RASAL2: variants seen among roughly 807,000 people sequenced by gnomAD.
The protein encoded by RASAL2 is ras GTPase-activating protein nGAP.
Under a neutral mutation model 128.9 loss-of-function variants are expected in RASAL2, and 58 were observed. The observed-to-expected ratio is 0.45, with a 90% CI of 0.36 to 0.56. RASAL2 has a LOEUF of 0.56. Ranked by LOEUF, RASAL2 falls within the 20% of genes least tolerant of loss-of-function variation. RASAL2 has a pLI of 0.00. For synonymous variants in RASAL2, 561 were observed against 580.8 expected (o/e 0.97, Z 0.49); for missense variants, 1,360 against 1,601.6 (o/e 0.85, Z 2.57).
At chr1:178,181,484 A>T (rs995035055) in intron 1 of RASAL2, among the ~76,000 whole-genome samples, 1 of 152,050 alleles carries the variant, frequency 6.6e-6, no homozygotes, top group African/African-American at 2.4e-5. Context: ...CAGCCTGCCG[A>T]GTAGCTGGGA....
chr1:178,166,782 A>C (rs1048548635), intron 1 of RASAL2, among the ~76,000 whole-genome samples: 8 of 152,160 alleles, frequency 5.3e-5, no homozygotes, highest in African/African-American at 1.9e-4. Context: ...TAGTCATAAA[A>C]ATGTCAGAAA....
chr1:178,269,008 A>G (rs986313759), intron 1 of RASAL2, among the ~76,000 whole-genome samples: 1 of 152,130 alleles, frequency 6.6e-6, no homozygotes, highest in African/African-American at 2.4e-5. Flanking sequence ...GTGTCTCCCC[A>G]AAGTTATTTT....
chr1:178,456,283 A>G (rs920346570), intron 12 of RASAL2, among the ~76,000 whole-genome samples: 1 of 152,114 alleles, frequency 6.6e-6, no homozygotes, highest in Non-Finnish European at 1.5e-5. Flanking sequence ...TTTCTTTGAA[A>G]GTTTATCATA....
At chr1:178,454,327 A>G (rs1035911960) in intron 11 of RASAL2, 120 bp from the exon 12 acceptor site, 6 of 724,666 alleles carry the variant, frequency 8.3e-6, no homozygotes, top group Non-Finnish European at 1.4e-5. Flanking sequence ...TAGATAATAA[A>G]CAAAATTAGT....
intron 1 of RASAL2, among the ~76,000 whole-genome samples, chr1:178,153,858 G>A (rs1415868831): frequency 6.6e-6 from 1 of 151,782 alleles, no homozygotes; most frequent in Non-Finnish European, 1.5e-5. Flanking sequence ...TTTTTGAGAT[G>A]CAGTTTCGTT....
intron 1 of RASAL2, among the ~76,000 whole-genome samples, chr1:178,238,876 C>G (rs992802495): frequency 1.8e-4 from 27 of 152,008 alleles, no homozygotes; most frequent in African/African-American, 5.8e-4. Flanking sequence ...TTTGGTTTCT[C>G]ACACTCAAGG....
rs555787997 is a variant in RASAL2 at position 178,255,656 on chromosome 1, A to G, written c.203-27908A>G. Among the ~76,000 whole-genome samples, 97 of 152,260 alleles carry G rather than the reference A, an allele frequency of 6.4e-4. No individual in the cohort carries two copies. The South Asian group carries it at 0.02, about 32-fold the overall frequency. The stretch of plus-strand genomic sequence containing the variant: ...TGAAGATGATTCTAGTGAGATATGT[A>G]TGGTAAGCCATAGAGAAACGAGGAA... On this transcript the variant is annotated intron_variant, in intron 1 of 17. Coordinates refer to ENST00000367649, the MANE Select transcript of RASAL2 (RefSeq NM_170692.4).
intron 1 of RASAL2, among the ~76,000 whole-genome samples, chr1:178,203,842 C>T (rs544638648): frequency 6.6e-6 from 1 of 152,302 alleles, no homozygotes; most frequent in East Asian, 1.9e-4. Context: ...CTTGGAGCAT[C>T]TCTTAGTATT....
At chr1:178,224,592 C>A (rs532895604) in intron 1 of RASAL2, among the ~76,000 whole-genome samples, 21 of 152,218 alleles carry the variant, frequency 1.4e-4, no homozygotes, top group Admixed American at 1.3e-3. Context: ...TAAATGAGTT[C>A]TATTTTTAAA....
At chr1:178,181,871 A>G (rs1662123204) in intron 1 of RASAL2, among the ~76,000 whole-genome samples, 1 of 152,114 alleles carries the variant, frequency 6.6e-6, no homozygotes, top group Admixed American at 6.5e-5. Context: ...CATCATGTCA[A>G]GGGTACACAC....
At chr1:178,121,547 G>A (rs753239484) in intron 1 of RASAL2, among the ~76,000 whole-genome samples, 13 of 151,640 alleles carry the variant, frequency 8.6e-5, no homozygotes, top group Admixed American at 3.9e-4. Flanking sequence ...GTGCAGTGGC[G>A]TGATCTTGGC....
chr1:178,339,113 C>T (rs1669739010), intron 3 of RASAL2, among the ~76,000 whole-genome samples: 1 of 152,190 alleles, frequency 6.6e-6, no homozygotes, highest in Non-Finnish European at 1.5e-5. Flanking sequence ...TATCTATTTT[C>T]TGATGCCAGC....
intron 1 of RASAL2, among the ~76,000 whole-genome samples, chr1:178,144,456 T>C (rs1413824869): frequency 6.6e-6 from 1 of 152,226 alleles, no homozygotes; most frequent in Non-Finnish European, 1.5e-5. Flanking sequence ...TTCTCTTTCC[T>C]CCACTTTGAA....
At chr1:178,179,275 T>C (rs1198703178) in intron 1 of RASAL2, among the ~76,000 whole-genome samples, 1 of 152,158 alleles carries the variant, frequency 6.6e-6, no homozygotes, top group African/African-American at 2.4e-5. Flanking sequence ...GCACAATTGG[T>C]TCTCCAGCCA....
intron 3 of RASAL2, among the ~76,000 whole-genome samples, chr1:178,332,062 A>C (rs1282949316): frequency 6.6e-6 from 1 of 152,212 alleles, no homozygotes; most frequent in African/African-American, 2.4e-5. Flanking sequence ...TGTAAAATTT[A>C]AAACGTGTCA....
At chr1:178,239,309 G>T (rs1229413569) in intron 1 of RASAL2, among the ~76,000 whole-genome samples, 1 of 152,064 alleles carries the variant, frequency 6.6e-6, no homozygotes, top group East Asian at 1.9e-4. Context: ...CTGGTGGTTA[G>T]AACATAAGAG....
At chr1:178,225,683 A>G (rs990256959) in intron 1 of RASAL2, among the ~76,000 whole-genome samples, 4 of 150,942 alleles carry the variant, frequency 2.7e-5, no homozygotes, top group African/African-American at 7.3e-5. Flanking sequence ...TTGTATGTAT[A>G]TATATGTACT....
chr1:178,160,730 G>GA (rs1469512561), intron 1 of RASAL2, among the ~76,000 whole-genome samples: 1 of 152,214 alleles, frequency 6.6e-6, no homozygotes, highest in Admixed American at 6.5e-5. Context: ...GACAGATGGT[G>GA]AAAACCTGAC....
intron 1 of RASAL2, among the ~76,000 whole-genome samples, chr1:178,279,672 T>C (rs549232861): frequency 2.0e-5 from 3 of 152,332 alleles, no homozygotes; most frequent in East Asian, 1.9e-4. Flanking sequence ...GTCTTGGTTA[T>C]ATGGCAGACA....
Sources: allele counts gnomAD v4.1 joint callset (sites outside exome capture counted in the v4.1 genomes callset), GRCh38; gene constraint gnomAD v4.1.1; transcripts MANE v1.5; gene names NCBI Gene and HGNC (gene_info 2026-07-23, HGNC 2026-07-21).